The following EXOSC1 variants were observed in gnomAD, a reference collection of about 807,000 sequenced individuals.
EXOSC1 encodes exosome complex component CSL4.
In EXOSC1, 27 loss-of-function variants were observed where a neutral mutation model predicts 31.4. The observed-to-expected ratio is 0.86, with a 90% CI of 0.63 to 1.18. The LOEUF (loss-of-function observed/expected upper bound fraction) is 1.18, where lower values mean the gene tolerates loss of function less well. EXOSC1 is among the 50% of genes most tolerant of loss of function. The pLI, the probability that EXOSC1 is intolerant of heterozygous loss-of-function variation, is 0.00. For synonymous variants in EXOSC1, 84 were observed against 89.5 expected (o/e 0.94, Z 0.35); for missense variants, 228 against 250.3 (o/e 0.91, Z 0.60).
intron 6 of EXOSC1, 108 bp from the exon 7 acceptor site, chr10:97,437,383 C>A: frequency 3.6e-6 from 3 of 830,732 alleles, no homozygotes; most frequent in South Asian, 3.1e-5. Context: ...TGGAGTCTTG[C>A]TCCGTTAACC....
At chr10:97,440,840 T>C (rs1845691983) in intron 4 of EXOSC1, 1 of 183,174 alleles carries the variant, frequency 5.5e-6, no homozygotes, top group South Asian at 1.1e-4. Flanking sequence ...TTTACAGAGA[T>C]GGGGTTTCAC....
intron 3 of EXOSC1, among the ~76,000 whole-genome samples, chr10:97,442,612 G>A (rs1471992022): frequency 6.6e-6 from 1 of 152,132 alleles, no homozygotes; most frequent in Non-Finnish European, 1.5e-5. Flanking sequence ...GGGCCCAAGC[G>A]ATCTTCCTGC....
intron 2 of EXOSC1, chr10:97,444,169 C>T (rs978427295): frequency 6.6e-6 from 1 of 152,148 alleles, no homozygotes; most frequent in African/African-American, 2.4e-5. Flanking sequence ...GAAATTTCCA[C>T]AAAAATGTTA....
At position 97,443,400 on chromosome 10, in the gene EXOSC1, G is replaced by A. The variant is rs569214606; in HGVS notation, c.148-89C>T. The A allele has an allele frequency of 7.9e-6, 9 of 1,132,476 alleles. No homozygotes were observed. The East Asian group carries it at 1.9e-4, about 24-fold the overall frequency. 70.2% of individuals were successfully genotyped at this position (1,132,476 alleles called of 1,614,324 possible). On this transcript the variant is annotated intron_variant, in intron 2 of 7. Transcript: ENST00000370902. Reference sequence around the variant, plus strand: ...CTTGAGAGTAATATAGGAATGTCTTGGTATAAAGGTGAGAGTTGGAGTATG... The same window carrying A: ...CTTGAGAGTAATATAGGAATGTCTTAGTATAAAGGTGAGAGTTGGAGTATG...
chr10:97,442,177 C>CAA (rs56821235), intron 3 of EXOSC1, among the ~76,000 whole-genome samples: 5,502 of 140,338 alleles, frequency 0.039, 191 homozygotes, highest in African/African-American at 0.092. Context: ...GGCCCTGTCT[C>CAA]AAAAAAAAAA....
At chr10:97,441,567 C>T (rs201084588) in intron 3 of EXOSC1, among the ~76,000 whole-genome samples, 4 of 150,080 alleles carry the variant, frequency 2.7e-5, no homozygotes, top group Admixed American at 6.6e-5. Context: ...CTTGGCTCAC[C>T]GCAACCTCCG....
chr10:97,445,690 T>C, intron 2 of EXOSC1, 42 bp downstream of exon 2: 1 of 1,593,400 alleles, frequency 6.3e-7, no homozygotes, highest in Non-Finnish European at 8.6e-7. Flanking sequence ...AAGGGCAGCC[T>C]AAGGGAAAAA....
Position 97,441,191 on chromosome 10 carries a change from GTTC to G in EXOSC1, c.288_290del (p.Lys96del). 1 of 1,613,976 alleles carries G rather than the reference GTTC, an allele frequency of 6.2e-7. No individual in the cohort carries two copies. Among genetic ancestry groups the G allele is most frequent in the Non-Finnish European group, 8.5e-7 (1 of 1,179,874 alleles). On this transcript the variant is annotated inframe_deletion, in exon 4 of 8. Transcript: ENST00000370902. ...CTTACCGGATAGTTCCTCGAAAAGA[GTTC>G]TTAAGAGGCATGGACCCCACATACA...
intron 7 of EXOSC1, 101 bp downstream of exon 7, chr10:97,437,090 G>T: frequency 2.0e-6 from 2 of 993,388 alleles, no homozygotes. Context: ...AATATCTATA[G>T]CCATACTGCT....
At position 97,441,279 on chromosome 10, in the gene EXOSC1, T is replaced by C. The variant is rs767986418; in HGVS notation, c.223-20A>G. 1 of 1,609,992 alleles carries C rather than the reference T, an allele frequency of 6.2e-7. No individual in the cohort carries two copies. The highest frequency in any genetic ancestry group is 1.7e-5 in the Admixed American group (1 of 59,946). On this transcript the variant is annotated intron_variant, in intron 3 of 7. Coordinates refer to ENST00000370902, the MANE Select transcript of EXOSC1 (RefSeq NM_016046.5). ...AGAGACCTGCGGAATAGAGAAAAGA[T>C]CAGCATCAGAGTATAAGCAGTTGTC...
At chr10:97,437,355 C>CTT (rs879117300) in intron 6 of EXOSC1, 80 bp from the exon 7 acceptor site, 109 of 889,854 alleles carry the variant, frequency 1.2e-4, no homozygotes, top group Middle Eastern at 3.0e-4. Flanking sequence ...GTTTTTCTAC[C>CTT]TTTTTTTTTT....
chr10:97,436,513 A>G lies in EXOSC1; in HGVS notation c.520T>C (p.Cys174Arg). 1 of 1,611,662 alleles carries G rather than the reference A, an allele frequency of 6.2e-7. No individual in the cohort carries two copies. The highest frequency in any genetic ancestry group is 8.5e-7 in the Non-Finnish European group (1 of 1,179,346). The change falls in exon 8 of 8, where the codon TGC becomes CGC. Residue 174 changes from cysteine (C) to arginine (R), a missense_variant. Coordinates refer to ENST00000370902, the MANE Select transcript of EXOSC1 (RefSeq NM_016046.5). Reference protein sequence around the residue: ...MVPISWCEMQCPKTHTKEFRK... With the variant: ...MVPISWCEMQRPKTHTKEFRK... Reference sequence around the variant, plus strand: ...AATTCTTTAGTGTGGGTCTTAGGGCACTGCATCTCACACCAGCTGATGGGA... The same window carrying G: ...AATTCTTTAGTGTGGGTCTTAGGGCGCTGCATCTCACACCAGCTGATGGGA...
chr10:97,440,497 C>T (rs919439036), intron 4 of EXOSC1, among the ~76,000 whole-genome samples: 2 of 150,872 alleles, frequency 1.3e-5, no homozygotes, highest in African/African-American at 2.4e-5. Context: ...TACAGGCACG[C>T]ACCACCATGC....
rs1390358125 is a variant in EXOSC1 at position 97,443,232 on chromosome 10, C to A, written c.222+5G>T. On this transcript the variant is annotated splice_donor_5th_base_variant and intron_variant, in intron 3 of 7. Transcript: ENST00000370902. ...TTCTAAGCATGGAGGTCAGGACCAACTTACCTTACAGGTTACAATAGCTCC... is the reference window on the plus strand; with the variant it reads ...TTCTAAGCATGGAGGTCAGGACCAAATTACCTTACAGGTTACAATAGCTCC... The A allele has an allele frequency of 6.2e-7, 1 of 1,613,268 alleles. No homozygotes were observed.
intron 4 of EXOSC1, among the ~76,000 whole-genome samples, chr10:97,439,692 T>A (rs1024139002): frequency 6.6e-6 from 1 of 152,172 alleles, no homozygotes; most frequent in African/African-American, 2.4e-5. Flanking sequence ...CTTGAATCAT[T>A]CTGCAACCAC....
intron 4 of EXOSC1, 21 bp from the exon 5 acceptor site, chr10:97,438,724 G>A (rs758968873): frequency 7.1e-7 from 1 of 1,404,618 alleles, no homozygotes; most frequent in African/African-American, 1.5e-5. Context: ...AGAATTAACA[G>A]AAAGATTAAT....
chr10:97,438,625 A>T, intron 5 of EXOSC1, 45 bp downstream of exon 5: 1 of 1,581,924 alleles, frequency 6.3e-7, no homozygotes, highest in Non-Finnish European at 8.6e-7. Context: ...CTTTTAAGGG[A>T]TTGAGATACG....
In EXOSC1 at chr10:97,442,968, A is replaced by C. The variant is rs1217632511; in HGVS notation, c.222+269T>G. ...GGCCTCCCAAAGTGCTGGGATTACA[A>C]GCATGAGCCACCATGCCCGGCAATT... On this transcript the variant is annotated intron_variant, in intron 3 of 7. Coordinates refer to ENST00000370902, the MANE Select transcript of EXOSC1 (RefSeq NM_016046.5). 2.0e-5 allele frequency among the ~76,000 whole-genome samples: 3 copies of C among 152,170 alleles called. No homozygotes were observed. The East Asian group carries it at 5.8e-4, about 29-fold the overall frequency.
intron 4 of EXOSC1, 146 bp downstream of exon 4, chr10:97,441,025 A>T: frequency 3.2e-6 from 2 of 623,568 alleles, no homozygotes; most frequent in South Asian, 2.0e-5. Flanking sequence ...TTTGGATACT[A>T]CTAGGGGAGA....
Sources: allele counts gnomAD v4.1 joint callset (sites outside exome capture counted in the v4.1 genomes callset), GRCh38; gene constraint gnomAD v4.1.1; transcripts MANE v1.5; gene names NCBI Gene and HGNC (gene_info 2026-07-23, HGNC 2026-07-21).